The following ZC3H7A variants were observed in gnomAD, a reference collection of about 807,000 sequenced individuals.
ZC3H7A encodes zinc finger CCCH domain-containing protein 7A.
Under a neutral mutation model 125.5 loss-of-function variants are expected in ZC3H7A, and 44 were observed. That is an observed-to-expected ratio of 0.35 (90% CI 0.28 to 0.45). The LOEUF (loss-of-function observed/expected upper bound fraction) is 0.45, where lower values mean the gene tolerates loss of function less well. Ranked by LOEUF, ZC3H7A falls within the 20% of genes least tolerant of loss-of-function variation. The probability of loss-of-function intolerance (pLI) is 1.00; values close to 1 mark genes in which losing one functional copy is unlikely to be tolerated. For synonymous variants in ZC3H7A, 399 were observed against 391.2 expected (o/e 1.02, Z -0.23); for missense variants, 977 against 1,170.7 (o/e 0.83, Z 2.41).
intron 10 of ZC3H7A, 101 bp downstream of exon 10, chr16:11,770,682 C>T: frequency 1.8e-6 from 2 of 1,085,510 alleles, no homozygotes; most frequent in South Asian, 3.3e-5. Context: ...GAAAATAATT[C>T]ACATGTCTAC....
chr16:11,793,408 C>A (rs2053383126), intron 1 of ZC3H7A, among the ~76,000 whole-genome samples: 1 of 152,014 alleles, frequency 6.6e-6, no homozygotes, highest in South Asian at 2.1e-4. Context: ...GTGGTGTACA[C>A]TGTAGTGCCA....
At chr16:11,788,393 C>T (rs923983622) in intron 1 of ZC3H7A, among the ~76,000 whole-genome samples, 4 of 152,170 alleles carry the variant, frequency 2.6e-5, no homozygotes, top group Admixed American at 2.6e-4. Flanking sequence ...CACGTCCATC[C>T]CCAGGCAGAC....
In ZC3H7A at chr16:11,776,527, C is replaced by G. The variant is rs762913160; in HGVS notation, c.471G>C (p.Glu157Asp). The G allele has an allele frequency of 9.8e-5, 157 of 1,603,332 alleles. No individual in the cohort carries two copies. The highest frequency in any genetic ancestry group is 1.3e-4 in the Non-Finnish European group (153 of 1,176,734). The change falls in exon 6 of 23, where the codon GAG (glutamate) becomes GAC (aspartate). Residue 157 changes from glutamate (E) to aspartate (D), a missense_variant. This residue lies in a region of ZC3H7A where 199 missense variants were observed against 256.1 expected (regional missense o/e 0.78). Transcript: ENST00000355758. ...GTTCTTGAGTTAGTTTTATTACATG[C>G]TCATCCTGAAAAAAATAAGTATGTA... Reference protein sequence around the residue: ...AKCSLAVPQDEHVIKLTQELA... With the variant: ...AKCSLAVPQDDHVIKLTQELA...
intron 9 of ZC3H7A, among the ~76,000 whole-genome samples, chr16:11,772,505 T>C (rs947345815): frequency 6.6e-6 from 1 of 151,766 alleles, no homozygotes; most frequent in Admixed American, 6.6e-5. Context: ...AGGAAAATGA[T>C]GCACTATGAT....
intron 1 of ZC3H7A, among the ~76,000 whole-genome samples, chr16:11,793,985 G>A (rs530335962): frequency 1.8e-4 from 27 of 152,300 alleles, no homozygotes; most frequent in African/African-American, 6.5e-4. Flanking sequence ...AGCCTGAAGA[G>A]CCTCCCTCTG....
intron 1 of ZC3H7A, 82 bp from the exon 2 acceptor site, chr16:11,782,470 G>T: frequency 2.6e-6 from 3 of 1,160,272 alleles, no homozygotes; most frequent in Non-Finnish European, 3.8e-6. Flanking sequence ...TCCAGACCTT[G>T]TCACACAATC....
chr16:11,762,627 C>T (rs200784034), intron 17 of ZC3H7A, 44 bp downstream of exon 17: 25 of 1,585,936 alleles, frequency 1.6e-5, no homozygotes, highest in Non-Finnish European at 2.2e-5. Flanking sequence ...TTACGCAATT[C>T]CAGAAAGGAC....
intron 21 of ZC3H7A, 75 bp from the exon 22 acceptor site, chr16:11,752,907 C>T (rs2052576326): frequency 6.5e-7 from 1 of 1,542,592 alleles, no homozygotes; most frequent in African/African-American, 1.4e-5. Flanking sequence ...GGAGCCCAGG[C>T]TGGTGGGAGA....
At chr16:11,769,717 A>AAAAAAAAAC in intron 10 of ZC3H7A, among the ~76,000 whole-genome samples, 1 of 147,164 alleles carries the variant, frequency 6.8e-6, no homozygotes, top group Non-Finnish European at 1.5e-5. Flanking sequence ...TCTCAAAAAA[A>AAAAAAAAAC]AAAAAAAAAA....
rs1014279 is a variant in ZC3H7A at position 11,758,699 on chromosome 16, C to G, written c.2320-160G>C. The stretch of plus-strand genomic sequence containing the variant: ...ACTCTACTCAAATTAACTATATGCT[C>G]TAAATATATGAAATGATATTAAGGT... On this transcript the variant is annotated intron_variant, in intron 19 of 22. Coordinates refer to ENST00000355758, the MANE Select transcript of ZC3H7A (RefSeq NM_014153.4). The G allele has an allele frequency of 0.58, 342,816 of 586,390 alleles. 103,802 individuals carry two copies. Among genetic ancestry groups the G allele is most frequent in the East Asian group, 0.82 (27,633 of 33,644 alleles). The allele number at this position is 586,390 out of a possible 1,614,324, so 36.3% of individuals were successfully genotyped here. A position where few individuals can be genotyped will look rare whatever the true frequency, so the allele number is the denominator to read the frequency against.
intron 21 of ZC3H7A, among the ~76,000 whole-genome samples, chr16:11,753,392 G>A (rs1567370021): frequency 6.6e-6 from 1 of 152,202 alleles, no homozygotes; most frequent in Non-Finnish European, 1.5e-5. Flanking sequence ...CTGCAACACT[G>A]GGTAAAAACA....
At chr16:11,754,290 T>G (rs1354893585) in intron 21 of ZC3H7A, among the ~76,000 whole-genome samples, 2 of 49,202 alleles carry the variant, frequency 4.1e-5, no homozygotes, top group African/African-American at 2.9e-4. Context: ...AGACCCTGTC[T>G]CAAAAAAAAA....
intron 4 of ZC3H7A, among the ~76,000 whole-genome samples, chr16:11,778,190 A>G (rs1365089989): frequency 1.3e-5 from 2 of 151,896 alleles, no homozygotes; most frequent in Non-Finnish European, 2.9e-5. Context: ...TAATCCTAGC[A>G]CTTTGGGAGG....
rs185497328 is a variant in ZC3H7A, at chr16:11,774,321, G to C, written c.818C>G (p.Ala273Gly). 22 of 1,613,874 alleles carry C rather than the reference G, an allele frequency of 1.4e-5. No individual in the cohort carries two copies. The highest frequency in any genetic ancestry group is 1.6e-5 in the Non-Finnish European group (19 of 1,179,936). The change falls in exon 9 of 23, where the codon GCT becomes GGT. Residue 273 changes from alanine (A) to glycine (G), a missense_variant. By Grantham distance (60) the Ala-to-Gly change is moderately conservative (BLOSUM62 0). Coordinates refer to ENST00000355758, the MANE Select transcript of ZC3H7A (RefSeq NM_014153.4). Reference protein sequence around the residue: ...GGKMPFTMPEAFLDDGDMVLG... With the variant: ...GGKMPFTMPEGFLDDGDMVLG... ...GACCATATCTCCATCATCTAGAAAA[G>C]CTTCTGGCATAGTGAAGGGCATCTT...
rs779250026 is a variant in ZC3H7A at position 11,767,400 on chromosome 16, G to A, written c.1522+17C>T. On this transcript the variant is annotated intron_variant, in intron 13 of 22. Coordinates refer to ENST00000355758, the MANE Select transcript of ZC3H7A (RefSeq NM_014153.4). ...CACTTATGTAATGTATACTAATTAA[G>A]TAATTACAGTACATACCTTTACATA... The A allele has an allele frequency of 5.3e-6, 8 of 1,506,450 alleles. 1 individual carries two copies. The South Asian group carries it at 8.4e-5, about 16-fold the overall frequency. The allele number at this position is 1,506,450 out of a possible 1,614,324, so 93.3% of individuals were successfully genotyped here.
At chr16:11,760,122 G>GAAAAAAAAAAAAAAAAAAA (rs66812605) in intron 19 of ZC3H7A, among the ~76,000 whole-genome samples, 35 of 82,542 alleles carry the variant, frequency 4.2e-4, no homozygotes, top group East Asian at 8.1e-4. Context: ...AAGAAAAAAT[G>GAAAAAAAAAAAAAAAAAAA]AAAAAAAAAA....
At chr16:11,775,994 T>C (rs1487954716) in intron 7 of ZC3H7A, among the ~76,000 whole-genome samples, 1 of 151,984 alleles carries the variant, frequency 6.6e-6, no homozygotes, top group East Asian at 1.9e-4. Flanking sequence ...ACCCCATCGC[T>C]ACAAAAAATA....
At chr16:11,763,132 C>T in intron 16 of ZC3H7A, 1 of 230,420 alleles carries the variant, frequency 4.3e-6, no homozygotes, top group Non-Finnish European at 8.4e-6. Flanking sequence ...TTTTTTGAGA[C>T]AGTCTCATGT....
chr16:11,775,991 C>T (rs753559550), intron 7 of ZC3H7A, among the ~76,000 whole-genome samples: 5 of 152,064 alleles, frequency 3.3e-5, no homozygotes, highest in Non-Finnish European at 4.4e-5. Context: ...GAAACCCCAT[C>T]GCTACAAAAA....
Sources: allele counts gnomAD v4.1 joint callset (sites outside exome capture counted in the v4.1 genomes callset), GRCh38; gene constraint gnomAD v4.1.1; regional missense constraint gnomAD v4.1.1; transcripts MANE v1.5; gene names NCBI Gene and HGNC (gene_info 2026-07-23, HGNC 2026-07-21).